The following ARID1A variants were observed in gnomAD, a reference collection of about 807,000 sequenced individuals.
ARID1A encodes the protein AT-rich interactive domain-containing protein 1A.
In ARID1A, 20 loss-of-function variants were observed where a neutral mutation model predicts 212.6. The observed-to-expected ratio is 0.09, with a 90% confidence interval of 0.07 to 0.14. ARID1A has a LOEUF of 0.14. Among genes scored for constraint, ARID1A ranks in the 10% least tolerant of loss-of-function variants. The pLI, the probability that ARID1A is intolerant of heterozygous loss-of-function variation, is 1.00. For synonymous variants in ARID1A, 1,376 were observed against 1,222.1 expected (o/e 1.13, Z -2.63); for missense variants, 2,587 against 3,059.0 (o/e 0.85, Z 3.64).
At chr1:26,707,879 G>C (rs1188106837) in intron 1 of ARID1A, among the ~76,000 whole-genome samples, 3 of 152,162 alleles carry the variant, frequency 2.0e-5, no homozygotes, top group African/African-American at 7.2e-5. Flanking sequence ...AGGTAGACAA[G>C]GTTTGTCTGA....
chr1:26,706,066 G>T (rs2080389183), intron 1 of ARID1A, among the ~76,000 whole-genome samples: 2 of 152,046 alleles, frequency 1.3e-5, no homozygotes, highest in Admixed American at 1.3e-4. Flanking sequence ...AAATACTAAG[G>T]GGCTTTGGGT....
In ARID1A at chr1:26,729,794, G is replaced by T. The variant is rs139562988; in HGVS notation, c.1281G>T (p.Pro427=). ...GGCAGCCATACGGGTCCCAGACCCC[G>T]CAGCGGTACCCGATGACCATGCAGG... The part of the protein sequence containing the change: ...YPGQPYGSQT[P]QRYPMTMQGR... The change falls in exon 2 of 20, where the codon CCG becomes CCT. Residue 427 remains proline (P), a synonymous_variant. Transcript: ENST00000324856. The T allele has an allele frequency of 1.2e-6, 2 of 1,614,254 alleles. No individual in the cohort carries two copies. Among genetic ancestry groups the T allele is most frequent in the Non-Finnish European group, 1.7e-6 (2 of 1,180,050 alleles).
At chr1:26,751,993 A>C (rs1288778282) in intron 4 of ARID1A, among the ~76,000 whole-genome samples, 2 of 152,192 alleles carry the variant, frequency 1.3e-5, no homozygotes, top group African/African-American at 4.8e-5. Flanking sequence ...GGTTTCTAAG[A>C]TACAAACCAA....
intron 1 of ARID1A, among the ~76,000 whole-genome samples, chr1:26,715,141 T>C (rs1294871218): frequency 6.6e-6 from 1 of 152,246 alleles, no homozygotes; most frequent in Non-Finnish European, 1.5e-5. Context: ...AACGAGGCTT[T>C]GAAGTTTTGT....
At position 26,775,072 on chromosome 1, in the gene ARID1A, G is replaced by A. The variant is rs1212814184; in HGVS notation, c.4845G>A (p.Lys1615=). 1.2e-6 allele frequency: 2 copies of A among 1,613,174 alleles called. No individual in the cohort carries two copies. The highest frequency in any genetic ancestry group is 1.7e-6 in the Non-Finnish European group (2 of 1,179,684). Residue 1615 remains lysine, a synonymous_variant, in exon 18 of 20, where the codon AAG becomes AAA. Transcript: ENST00000324856. ...PFLHSGMKMQ[K]AGPPVPASHI... ...TGCACTCTGGGATGAAAATGCAGAAGGCAGGTCCCCCAGTACCTGCCTCGC... is the reference window on the plus strand; with the variant it reads ...TGCACTCTGGGATGAAAATGCAGAAAGCAGGTCCCCCAGTACCTGCCTCGC...
At position 26,768,716 on chromosome 1, in the gene ARID1A, C is replaced by T. The variant is rs541930141; in HGVS notation, c.3198+717C>T. Among the ~76,000 whole-genome samples the T allele has an allele frequency of 6.6e-5, 10 of 152,342 alleles. No individual in the cohort carries two copies. The East Asian group carries it at 1.9e-3, about 29-fold the overall frequency. On this transcript the variant is annotated intron_variant, in intron 11 of 19. Coordinates refer to ENST00000324856, the MANE Select transcript of ARID1A (RefSeq NM_006015.6). ...GGACACCACCCAGAGCTTGTGCCTACTCTGATACCTTACAATTTTGTAGAC... is the reference window on the plus strand; with the variant it reads ...GGACACCACCCAGAGCTTGTGCCTATTCTGATACCTTACAATTTTGTAGAC...
In ARID1A at chr1:26,779,556, G is replaced by C. The variant is rs1347791474; in HGVS notation, c.5658G>C (p.Glu1886Asp). The C allele has an allele frequency of 3.7e-6, 6 of 1,614,084 alleles. No homozygotes were observed. The highest frequency in any genetic ancestry group is 5.1e-6 in the Non-Finnish European group (6 of 1,180,004). Residue 1886 changes from glutamate (E) to aspartate (D), a missense_variant, in exon 20 of 20, where the codon GAG becomes GAC. By Grantham distance (45) the Glu-to-Asp change is conservative. Coordinates refer to ENST00000324856, the MANE Select transcript of ARID1A (RefSeq NM_006015.6). Reference sequence around the variant, plus strand: ...CTCGGAAGCATGTGACAACAGCAGAGGGTACACCAGGGACAACAGACCAGG... The same window carrying C: ...CTCGGAAGCATGTGACAACAGCAGACGGTACACCAGGGACAACAGACCAGG... The part of the protein sequence containing the change: ...PAPRKHVTTA[E>D]GTPGTTDQEG...
chr1:26,761,484 G>A lies in ARID1A; in HGVS notation c.2251+11G>A, dbSNP rs1273341160. Reference sequence around the variant, plus strand: ...TTGCCCAAGATCGAGGTGAGAGCCTGGGTGTTGGGGAGGGGCAGGGAGCTA... The same window carrying A: ...TTGCCCAAGATCGAGGTGAGAGCCTAGGTGTTGGGGAGGGGCAGGGAGCTA... On this transcript the variant is annotated intron_variant, in intron 6 of 19. Transcript: ENST00000324856. 1.2e-6 allele frequency: 2 copies of A among 1,614,030 alleles called. No homozygotes were observed. Among genetic ancestry groups the A allele is most frequent in the Non-Finnish European group, 1.7e-6 (2 of 1,179,872 alleles).
chr1:26,697,487 A>C lies in ARID1A; in HGVS notation c.1084A>C (p.Met362Leu), dbSNP rs2080283481. 7.1e-7 allele frequency: 1 copy of C among 1,403,326 alleles called. No homozygotes were observed. The highest frequency in any genetic ancestry group is 9.2e-7 in the Non-Finnish European group (1 of 1,086,148). The allele number at this position is 1,403,326 out of a possible 1,614,324, so 86.9% of individuals were successfully genotyped here. Residue 362 changes from methionine (M) to leucine (L), a missense_variant, in exon 1 of 20, where the codon ATG (methionine) becomes CTG (leucine). By Grantham distance (15) the Met-to-Leu change is conservative (BLOSUM62 2). Around this residue, in one of 11 missense-constraint regions of ARID1A, gnomAD observed 735 missense variants for 590.6 expected, o/e 1.24. Transcript: ENST00000324856. ...CCAACAAAGGAGCCACCACGCGCCC[A>C]TGAGCCCCGGGAGCAGCGGCGGCGG... ...GAQQRSHHAPMSPGSSGGGGQ... is the reference protein window; with the variant it reads ...GAQQRSHHAPLSPGSSGGGGQ...
rs754559193 is a variant in ARID1A at position 26,732,759 on chromosome 1, C to A, written c.1887C>A (p.Asn629Lys). Reference protein sequence around the residue: ...TSSKGGQEDMNLSLQSRPSSL... With the variant: ...TSSKGGQEDMKLSLQSRPSSL... ...GTAAGGGAGGGCAAGAAGATATGAA[C>A]CTGAGCCTTCAGTCAAGACCCTCCA... The change falls in exon 4 of 20, where the codon AAC becomes AAA. Residue 629 changes from asparagine to lysine, a missense_variant. Physicochemically the swap from Asn to Lys is moderately conservative, Grantham distance 94 (BLOSUM62 0). Transcript: ENST00000324856. 1.2e-6 allele frequency: 2 copies of A among 1,613,920 alleles called. No homozygotes were observed. The highest frequency in any genetic ancestry group is 4.5e-5 in the East Asian group (2 of 44,890).
At position 26,774,098 on chromosome 1, in the gene ARID1A, C is replaced by T. The variant is rs1360924557; in HGVS notation, c.4101+200C>T. On this transcript the variant is annotated intron_variant, in intron 17 of 19. Transcript: ENST00000324856. This position sits in a 1 kb window ranked among gnomAD's most constrained non-coding sequence, Gnocchi z 5.6. ...GGAGTTGGAAGGGGCTAGAAATAGA[C>T]CTTATTTTGATTTTTAGGTTTTGTA... 4.6e-6 allele frequency: 5 copies of T among 1,079,776 alleles called. No homozygotes were observed. Among genetic ancestry groups the T allele is most frequent in the Non-Finnish European group, 6.5e-6 (5 of 773,482 alleles). 66.9% of individuals were successfully genotyped at this position (1,079,776 alleles called of 1,614,324 possible).
chr1:26,761,133 G>T (rs774169344), intron 5 of ARID1A, 37 bp downstream of exon 5: 6 of 1,605,708 alleles, frequency 3.7e-6, no homozygotes, highest in Non-Finnish European at 5.1e-6. Context: ...AGAGGGAAAG[G>T]TGACTGCCCC....
intron 1 of ARID1A, among the ~76,000 whole-genome samples, chr1:26,722,443 A>G (rs1392668290): frequency 6.6e-6 from 1 of 152,132 alleles, no homozygotes; most frequent in Non-Finnish European, 1.5e-5. Flanking sequence ...ACGGGGTTTC[A>G]CCATGTTGGC....
chr1:26,730,047 A>G (rs904860414), intron 2 of ARID1A, among the ~76,000 whole-genome samples, 184 bp downstream of exon 2: 4 of 152,190 alleles, frequency 2.6e-5, no homozygotes, highest in African/African-American at 4.8e-5. Flanking sequence ...TGTGTGCTCC[A>G]AGGAAAACTA....
Position 26,763,167 on chromosome 1 carries a change from A to G in ARID1A, c.2614A>G (p.Met872Val). 7 of 1,614,236 alleles carry G rather than the reference A, an allele frequency of 4.3e-6. No homozygotes were observed. The highest frequency in any genetic ancestry group is 1.1e-5 in the South Asian group (1 of 91,090). ...GGGCAACCGGCCTTATGGCCCTAAC[A>G]TGGCCAATATGCCACCTCAGGTTGG... ...SMGNRPYGPN[M>V]ANMPPQVGSG... Residue 872 changes from methionine (M) to valine (V), a missense_variant, in exon 8 of 20, where the codon ATG becomes GTG. By Grantham distance (21) the Met-to-Val change is conservative. Coordinates refer to ENST00000324856, the MANE Select transcript of ARID1A (RefSeq NM_006015.6).
At chr1:26,715,636 C>T (rs2080495645) in intron 1 of ARID1A, among the ~76,000 whole-genome samples, 2 of 152,146 alleles carry the variant, frequency 1.3e-5, no homozygotes, top group African/African-American at 2.4e-5. Context: ...TTTTCCATTT[C>T]TCAGGAATTT....
Position 26,697,459 on chromosome 1 carries a change from G to A in ARID1A, c.1056G>A (p.Gly352=), listed in dbSNP as rs767086782. The change falls in exon 1 of 20, where the codon GGG becomes GGA. Residue 352 remains glycine, a synonymous_variant. Coordinates refer to ENST00000324856, the MANE Select transcript of ARID1A (RefSeq NM_006015.6). ...AAAAAAAASG[G]AQQRSHHAPM... Reference sequence around the variant, plus strand: ...CTGCGGCGGCGGCCGCCTCGGGAGGGGCCCAACAAAGGAGCCACCACGCGC... The same window carrying A: ...CTGCGGCGGCGGCCGCCTCGGGAGGAGCCCAACAAAGGAGCCACCACGCGC... 2.9e-6 allele frequency: 4 copies of A among 1,382,056 alleles called. No individual in the cohort carries two copies. In the East Asian group the frequency reaches 1.2e-4, roughly 42 times the overall value. 85.6% of individuals were successfully genotyped at this position (1,382,056 alleles called of 1,614,324 possible).
At chr1:26,705,997 G>T (rs2080388555) in intron 1 of ARID1A, among the ~76,000 whole-genome samples, 1 of 152,142 alleles carries the variant, frequency 6.6e-6, no homozygotes, top group South Asian at 2.1e-4. Flanking sequence ...GTACATATTA[G>T]AAATCACCCA....
intron 5 of ARID1A, 126 bp downstream of exon 5, chr1:26,761,222 A>G (rs752260229): frequency 1.6e-4 from 239 of 1,485,558 alleles, no homozygotes; most frequent in Non-Finnish European, 2.1e-4. Flanking sequence ...TCCCCTTAGC[A>G]TTTGGAGAAG....
Sources: allele counts gnomAD v4.1 joint callset (sites outside exome capture counted in the v4.1 genomes callset), GRCh38; gene constraint gnomAD v4.1.1; regional missense constraint gnomAD v4.1.1; non-coding constraint Gnocchi (gnomAD v3.1); transcripts MANE v1.5; gene names NCBI Gene and HGNC (gene_info 2026-07-23, HGNC 2026-07-21).